Variants in ESR1 observed in about 807,000 individuals in gnomAD.
The protein encoded by ESR1 is estrogen receptor 1.
In ESR1, 12 loss-of-function variants were observed where a neutral mutation model predicts 52.7. The observed-to-expected ratio is 0.23, with a 90% CI of 0.15 to 0.37. The LOEUF (loss-of-function observed/expected upper bound fraction) is 0.37, where lower values mean the gene tolerates loss of function less well. Among genes scored for constraint, ESR1 ranks in the 10% least tolerant of loss-of-function variants. The pLI is 1.00. For synonymous variants in ESR1, 305 were observed against 316.8 expected, an observed-to-expected ratio of 0.96 and a Z score of 0.39; for missense variants, 584 against 779.7, an observed-to-expected ratio of 0.75 and a Z score of 2.99.
At chr6:152,028,556 C>T (rs1377882275) in intron 5 of ESR1, among the ~76,000 whole-genome samples, 1 of 152,180 alleles carries the variant, frequency 6.6e-6, no homozygotes, top group Non-Finnish European at 1.5e-5. Flanking sequence ...GCTAGCACAG[C>T]AGTCTGAGAT....
At chr6:151,760,712 C>G (rs576181896) in intron 2 of ESR1, among the ~76,000 whole-genome samples, 1 of 152,210 alleles carries the variant, frequency 6.6e-6, no homozygotes, top group Non-Finnish European at 1.5e-5. Flanking sequence ...TCTTCCCCAT[C>G]GCAACCCATG....
chr6:152,124,690 G>T (rs992538195), intron 6 of ESR1, among the ~76,000 whole-genome samples: 1 of 48,890 alleles, frequency 2.0e-5, no homozygotes, highest in South Asian at 7.3e-4. Flanking sequence ...CTAATAAGCT[G>T]AGGGAAAAAA....
chr6:151,717,017 T>G (rs1781096642), intron 2 of ESR1, among the ~76,000 whole-genome samples: 2 of 152,158 alleles, frequency 1.3e-5, no homozygotes, highest in South Asian at 4.1e-4. Flanking sequence ...CTGGTCTGTG[T>G]GTTTCAAAGA....
chr6:151,681,327 G>C (rs548508361), intron 1 of ESR1, among the ~76,000 whole-genome samples: 2 of 152,012 alleles, frequency 1.3e-5, no homozygotes, highest in South Asian at 4.1e-4. Flanking sequence ...GCCTCAGGAC[G>C]ATTGGACCGA....
chr6:151,838,484 C>T (rs1157171744), intron 1 of ESR1, among the ~76,000 whole-genome samples: 1 of 152,128 alleles, frequency 6.6e-6, no homozygotes, highest in African/African-American at 2.4e-5. Context: ...CTTCCTGCTG[C>T]CCATGGATGG....
At chr6:152,027,734 A>T (rs2044275349) in intron 5 of ESR1, among the ~76,000 whole-genome samples, 1 of 152,228 alleles carries the variant, frequency 6.6e-6, no homozygotes, top group East Asian at 1.9e-4. Flanking sequence ...CAATACTTTT[A>T]TTAAGATATG....
At chr6:151,860,244 C>A (rs907831213) in intron 2 of ESR1, among the ~76,000 whole-genome samples, 13 of 152,030 alleles carry the variant, frequency 8.6e-5, no homozygotes, top group Admixed American at 2.6e-4. Context: ...AATCTCCTCA[C>A]CTAGTTATCA....
intron 5 of ESR1, among the ~76,000 whole-genome samples, chr6:152,034,923 A>G (rs2045148269): frequency 6.6e-6 from 1 of 152,180 alleles, no homozygotes; most frequent in African/African-American, 2.4e-5. Flanking sequence ...ATGTGTTTTG[A>G]TTTTTGGAGT....
chr6:151,863,982 A>G (rs1789377032), intron 2 of ESR1, among the ~76,000 whole-genome samples: 1 of 152,192 alleles, frequency 6.6e-6, no homozygotes, highest in South Asian at 2.1e-4. Context: ...AGGCAATACC[A>G]TTCAGGACAT....
chr6:151,876,185 C>T (rs530498428), intron 2 of ESR1, among the ~76,000 whole-genome samples: 96 of 152,188 alleles, frequency 6.3e-4, no homozygotes, highest in African/African-American at 2.1e-3. Flanking sequence ...TAGAATAATG[C>T]CCATGTTTCA....
intron 5 of ESR1, among the ~76,000 whole-genome samples, chr6:152,044,911 T>G (rs1209106329): frequency 1.3e-5 from 2 of 152,266 alleles, no homozygotes; most frequent in East Asian, 3.9e-4. Flanking sequence ...TCAATCACAT[T>G]GACACTCAGT....
intron 5 of ESR1, among the ~76,000 whole-genome samples, chr6:152,038,646 T>A (rs946921343): frequency 5.3e-5 from 8 of 152,162 alleles, no homozygotes; most frequent in African/African-American, 1.9e-4. Context: ...CTTTTTTTTT[T>A]TAAAAGATGG....
chr6:151,774,950 G>C (rs1394409709), intron 2 of ESR1, among the ~76,000 whole-genome samples: 1 of 152,126 alleles, frequency 6.6e-6, no homozygotes, highest in African/African-American at 2.4e-5. Flanking sequence ...TATAATTTTA[G>C]TTGACTTATC....
At chr6:151,968,786 C>T (rs1294922950) in intron 4 of ESR1, among the ~76,000 whole-genome samples, 2 of 152,128 alleles carry the variant, frequency 1.3e-5, no homozygotes, top group African/African-American at 4.8e-5. Flanking sequence ...CTCTCGCAGG[C>T]ACACCTTCAG....
At chr6:151,715,176 C>T (rs1780932903) in intron 2 of ESR1, among the ~76,000 whole-genome samples, 1 of 152,224 alleles carries the variant, frequency 6.6e-6, no homozygotes, top group Non-Finnish European at 1.5e-5. Context: ...CCACTCTCTT[C>T]TGGCTTGCAA....
chr6:151,943,390 CAAAAAA>C (rs202199134), intron 3 of ESR1, among the ~76,000 whole-genome samples: 4 of 138,848 alleles, frequency 2.9e-5, no homozygotes, highest in African/African-American at 1.1e-4. Flanking sequence ...AAAAAAAAAA[CAAAAAA>C]AAACAAAAAC....
chr6:151,681,554 A>G (rs747711146), intron 1 of ESR1, among the ~76,000 whole-genome samples: 1 of 152,068 alleles, frequency 6.6e-6, no homozygotes, highest in Non-Finnish European at 1.5e-5. Flanking sequence ...TTCTTGGACT[A>G]TTTCGCAACA....
At chr6:151,929,911 T>C (rs2033332981) in intron 3 of ESR1, among the ~76,000 whole-genome samples, 3 of 152,180 alleles carry the variant, frequency 2.0e-5, no homozygotes, top group South Asian at 2.1e-4. Context: ...CGCTTCTTTT[T>C]GGTCTTTCGT....
At chr6:151,930,528 G>A (rs1051821443) in intron 3 of ESR1, among the ~76,000 whole-genome samples, 1 of 151,942 alleles carries the variant, frequency 6.6e-6, no homozygotes, top group Non-Finnish European at 1.5e-5. Context: ...TTTTAAACAG[G>A]CAGTTATTGT....
Sources: gnomAD v4.1 joint callset for allele counts (sites outside exome capture counted in the v4.1 genomes callset) on GRCh38, gnomAD v4.1.1 for gene constraint, MANE v1.5 for transcripts, NCBI Gene and HGNC (gene_info 2026-07-23, HGNC 2026-07-21) for gene names.